The following DGKI variants were observed in gnomAD, a reference collection of about 807,000 sequenced individuals.
The protein encoded by DGKI is DAG kinase iota.
DGKI carries 55 observed loss-of-function variants against 147.5 expected under a neutral mutation model. The ratio of observed to expected loss-of-function variants is 0.37; its 90% CI spans 0.30 to 0.47. DGKI has a LOEUF of 0.47. Ranked by LOEUF, DGKI falls within the 20% of genes least tolerant of loss-of-function variation. The pLI is 1.00. For synonymous variants in DGKI, 469 were observed against 477.1 expected, an observed-to-expected ratio of 0.98 and a Z score of 0.22; for missense variants, 1,007 against 1,323.8, an observed-to-expected ratio of 0.76 and a Z score of 3.71.
At chr7:137,566,245 A>C (rs774622949) in intron 19 of DGKI, among the ~76,000 whole-genome samples, 1 of 152,166 alleles carries the variant, frequency 6.6e-6, no homozygotes, top group African/African-American at 2.4e-5. Flanking sequence ...GTCTGTTTAC[A>C]TAATCATCTT....
chr7:137,643,374 A>C (rs1366848441), intron 6 of DGKI, among the ~76,000 whole-genome samples: 4 of 151,860 alleles, frequency 2.6e-5, no homozygotes, highest in Non-Finnish European at 5.9e-5. Flanking sequence ...GTATAGCACC[A>C]ATGTTTGGAG....
intron 1 of DGKI, among the ~76,000 whole-genome samples, chr7:137,742,642 A>C (rs1365023149): frequency 6.6e-6 from 1 of 152,096 alleles, no homozygotes; most frequent in Non-Finnish European, 1.5e-5. Context: ...TAAAACACAC[A>C]CTTATGAGAA....
intron 23 of DGKI, among the ~76,000 whole-genome samples, chr7:137,477,219 TG>T (rs35256378): frequency 2.0e-5 from 3 of 152,134 alleles, no homozygotes; most frequent in Non-Finnish European, 4.4e-5. Context: ...TGGTAATCAA[TG>T]GGAATGGCAG....
chr7:137,832,569 C>T (rs1798249467), intron 1 of DGKI, among the ~76,000 whole-genome samples: 1 of 152,244 alleles, frequency 6.6e-6, no homozygotes, highest in South Asian at 2.1e-4. Context: ...CAAGAGGTCC[C>T]TGGGCTCAGC....
chr7:137,649,712 C>T (rs1019673524), intron 5 of DGKI, among the ~76,000 whole-genome samples: 2 of 150,534 alleles, frequency 1.3e-5, no homozygotes, highest in Non-Finnish European at 3.0e-5. Flanking sequence ...AATTTAGTCA[C>T]GTAAGCAAAT....
At chr7:137,474,309 A>G (rs929741278) in intron 23 of DGKI, among the ~76,000 whole-genome samples, 21 of 152,234 alleles carry the variant, frequency 1.4e-4, no homozygotes, top group Admixed American at 5.9e-4. Context: ...ACATCGGGAC[A>G]CTAAAAATTG....
At chr7:137,625,110 G>C (rs73455326) in intron 6 of DGKI, among the ~76,000 whole-genome samples, 2 of 152,144 alleles carry the variant, frequency 1.3e-5, no homozygotes, top group African/African-American at 4.8e-5. Flanking sequence ...AAACCTAAGC[G>C]GTATTTTCAC....
Position 137,778,061 on chromosome 7 carries a change from CAATT to C in DGKI, c.401+68397_401+68400del, listed in dbSNP as rs1367763566. Among the ~76,000 whole-genome samples the C allele has an allele frequency of 5.3e-5, 8 of 152,216 alleles. No individual in the cohort carries two copies. The East Asian group carries it at 1.5e-3, about 29-fold the overall frequency. On this transcript the variant is annotated intron_variant, in intron 1 of 32. Coordinates refer to ENST00000614521, the MANE Select transcript of DGKI (RefSeq NM_001321708.2). ...GCTCACAGTGTAATAAGTGATTAAACAATTAAATATAAGTTGATGAGTTTTGTGA... is the reference window on the plus strand; with the variant it reads ...GCTCACAGTGTAATAAGTGATTAAACAAATATAAGTTGATGAGTTTTGTGA...
At chr7:137,577,493 T>C (rs1473052957) in intron 16 of DGKI, among the ~76,000 whole-genome samples, 4 of 152,226 alleles carry the variant, frequency 2.6e-5, no homozygotes, top group Non-Finnish European at 5.9e-5. Flanking sequence ...AGTTTCACTA[T>C]AAATTTAAGA....
At chr7:137,709,547 G>C (rs190442525) in intron 1 of DGKI, among the ~76,000 whole-genome samples, 126 of 152,194 alleles carry the variant, frequency 8.3e-4, no homozygotes, top group Non-Finnish European at 1.6e-3. Context: ...ACATGCCTTC[G>C]TTCTCTAGGT....
intron 1 of DGKI, among the ~76,000 whole-genome samples, chr7:137,828,276 T>G (rs1350560345): frequency 6.6e-6 from 1 of 152,264 alleles, no homozygotes; most frequent in Non-Finnish European, 1.5e-5. Flanking sequence ...TATTATTCAA[T>G]TTTGGATTCT....
intron 17 of DGKI, among the ~76,000 whole-genome samples, chr7:137,573,490 A>G (rs1241739331): frequency 6.6e-6 from 1 of 152,136 alleles, no homozygotes; most frequent in Non-Finnish European, 1.5e-5. Context: ...CTGCAACCTC[A>G]GCCTGCCAGG....
At chr7:137,485,461 T>G (rs527459624) in intron 22 of DGKI, 43 bp from the exon 23 acceptor site, 1 of 1,499,496 alleles carries the variant, frequency 6.7e-7, no homozygotes, top group Non-Finnish European at 9.1e-7. Flanking sequence ...TTAAAATTAG[T>G]TTGAACAAGC....
intron 6 of DGKI, among the ~76,000 whole-genome samples, chr7:137,638,294 C>T (rs1821402464): frequency 6.6e-6 from 1 of 151,362 alleles, no homozygotes; most frequent in Non-Finnish European, 1.5e-5. Flanking sequence ...CTTTCCTCTC[C>T]ATATACATTT....
intron 28 of DGKI, among the ~76,000 whole-genome samples, chr7:137,443,042 A>C (rs1442165491): frequency 6.6e-6 from 1 of 152,170 alleles, no homozygotes; most frequent in Non-Finnish European, 1.5e-5. Flanking sequence ...GAGATGGCAG[A>C]AAAGATGGTG....
Position 137,828,943 on chromosome 7 carries a change from C to T in DGKI, c.401+17519G>A, listed in dbSNP as rs376559309. ...ACAGACATAACCTGAAGCTACACAT[C>T]CACATTCTAAGTTCATATCCTTCAT... is the stretch of plus-strand genomic sequence containing the variant. On this transcript the variant is annotated intron_variant, in intron 1 of 32. Transcript: ENST00000614521. Among the ~76,000 whole-genome samples, 65 of 152,340 alleles carry T rather than the reference C, an allele frequency of 4.3e-4. No homozygotes were observed. The South Asian group carries it at 0.011, about 27-fold the overall frequency.
intron 15 of DGKI, among the ~76,000 whole-genome samples, chr7:137,581,195 T>C (rs1819177481): frequency 6.6e-6 from 1 of 152,084 alleles, no homozygotes; most frequent in African/African-American, 2.4e-5. Context: ...CTTTCAAAAA[T>C]TCTGTTCCCC....
chr7:137,648,615 CCAGGACAGAG>C (rs1821914940), intron 5 of DGKI, among the ~76,000 whole-genome samples: 1 of 152,108 alleles, frequency 6.6e-6, no homozygotes, highest in South Asian at 2.1e-4. Flanking sequence ...GATTCATATC[CCAGGACAGAG>C]CAGGATGGCA....
At chr7:137,702,395 C>T (rs1418583409) in intron 1 of DGKI, among the ~76,000 whole-genome samples, 1 of 152,160 alleles carries the variant, frequency 6.6e-6, no homozygotes, top group Non-Finnish European at 1.5e-5. Context: ...TATTTCTGTG[C>T]TTCTAGCAGG....
Sources: gnomAD v4.1 joint callset for allele counts (sites outside exome capture counted in the v4.1 genomes callset) on GRCh38, gnomAD v4.1.1 for gene constraint, MANE v1.5 for transcripts, NCBI Gene and HGNC (gene_info 2026-07-23, HGNC 2026-07-21) for gene names.